RBPJ: variants seen among roughly 807,000 people sequenced by gnomAD.
The protein encoded by RBPJ is recombining binding protein suppressor of hairless.
In RBPJ, 9 loss-of-function variants were observed where a neutral mutation model predicts 67.8. The ratio of observed to expected loss-of-function variants is 0.13; its 90% CI spans 0.08 to 0.23. The LOEUF is 0.23. Among genes scored for constraint, RBPJ ranks in the 10% least tolerant of loss-of-function variants. RBPJ has a pLI of 1.00. For missense variants in RBPJ, 305 were observed against 595.6 expected (o/e 0.51, Z 5.08); for synonymous variants, 198 against 203.3 (o/e 0.97, Z 0.22).
intron 1 of RBPJ, among the ~76,000 whole-genome samples, chr4:26,241,478 C>G (rs2109219004): frequency 6.6e-6 from 1 of 152,026 alleles, no homozygotes; most frequent in Non-Finnish European, 1.5e-5. Context: ...AACTTCTGAC[C>G]TGTCTTCTTT....
chr4:26,423,578 C>T (rs971660108), intron 5 of RBPJ, among the ~76,000 whole-genome samples: 7 of 152,160 alleles, frequency 4.6e-5, no homozygotes, highest in African/African-American at 9.7e-5. Context: ...GGTGTGCTCT[C>T]TTGCACTAGG....
chr4:26,187,214 C>T (rs1375354969), intron 1 of RBPJ, among the ~76,000 whole-genome samples: 3 of 152,086 alleles, frequency 2.0e-5, no homozygotes, highest in South Asian at 2.1e-4. Context: ...AGAGTGAGAC[C>T]CTGTCTCGAA....
chr4:26,202,065 T>G lies in RBPJ; in HGVS notation c.-167+38451T>G, dbSNP rs532597131. ...TTGTCCTTCCCTTTTTCTGGCTGCT[T>G]CTTCTCAGCACTTTGCTGATTCCTC... On this transcript the variant is annotated intron_variant, in intron 1 of 4. Coordinates refer to the RBPJ transcript ENST00000512351. Among the ~76,000 whole-genome samples, 119 of 152,354 alleles carry G rather than the reference T, an allele frequency of 7.8e-4. 1 individual carries two copies. Among genetic ancestry groups the G allele is most frequent in the African/African-American group, 2.7e-3 (112 of 41,590 alleles).
At chr4:26,255,303 C>G (rs1245101932) in intron 1 of RBPJ, among the ~76,000 whole-genome samples, 2 of 125,644 alleles carry the variant, frequency 1.6e-5, no homozygotes, top group Non-Finnish European at 3.1e-5. Context: ...ACTCGGGAGG[C>G]TGAGGCAGGA....
chr4:26,241,210 A>T (rs547607475), intron 1 of RBPJ, among the ~76,000 whole-genome samples: 103 of 151,204 alleles, frequency 6.8e-4, no homozygotes, highest in African/African-American at 1.6e-3. Context: ...AAATAAAAAA[A>T]AAAAAAAAAA....
At chr4:26,416,039 A>G (rs1003244875) in intron 4 of RBPJ, among the ~76,000 whole-genome samples, 3 of 152,166 alleles carry the variant, frequency 2.0e-5, no homozygotes, top group Admixed American at 6.5e-5. Flanking sequence ...ACGATGATAT[A>G]TACATTGTGG....
At chr4:26,397,113 G>T (rs1047792538) in intron 2 of RBPJ, among the ~76,000 whole-genome samples, 2 of 152,134 alleles carry the variant, frequency 1.3e-5, no homozygotes, top group Admixed American at 1.3e-4. Flanking sequence ...TTTGCTTAAG[G>T]TTCTGAGTAG....
chr4:26,386,204 A>G (rs1730897800), intron 1 of RBPJ, 149 bp from the exon 2 acceptor site: 1 of 599,196 alleles, frequency 1.7e-6, no homozygotes, highest in Non-Finnish European at 3.0e-6. Flanking sequence ...TTTGGGATAC[A>G]GATGCTTACC....
intron 1 of RBPJ, among the ~76,000 whole-genome samples, chr4:26,300,684 CTG>C (rs1722045999): frequency 6.6e-6 from 1 of 152,190 alleles, no homozygotes; most frequent in African/African-American, 2.4e-5. Flanking sequence ...CTTTCATTAT[CTG>C]TGTCTCTATA....
chr4:26,139,423 C>T, the RBPJ span, among the ~76,000 whole-genome samples: 3 of 152,322 alleles, frequency 2.0e-5, no homozygotes, highest in East Asian at 5.8e-4. Flanking sequence ...AAGCTCAAGG[C>T]TTCCCCTTTC....
chr4:26,233,510 A>T (rs985804329), intron 1 of RBPJ, among the ~76,000 whole-genome samples: 2 of 152,208 alleles, frequency 1.3e-5, no homozygotes, highest in Admixed American at 1.3e-4. Context: ...TCCACTTCGT[A>T]TGCGTCATGT....
chr4:26,170,767 T>C (rs568378721), intron 1 of RBPJ, among the ~76,000 whole-genome samples: 54 of 152,352 alleles, frequency 3.5e-4, no homozygotes, highest in Admixed American at 8.5e-4. Context: ...TAATGCATAT[T>C]TAAGCAATAG....
chr4:26,396,578 A>G (rs559861354), intron 2 of RBPJ, among the ~76,000 whole-genome samples: 2 of 152,248 alleles, frequency 1.3e-5, no homozygotes, highest in Non-Finnish European at 2.9e-5. Flanking sequence ...TATTTGTACA[A>G]TAACCTTTTA....
At chr4:26,255,328 C>T (rs1397456023) in intron 1 of RBPJ, among the ~76,000 whole-genome samples, 69 of 113,264 alleles carry the variant, frequency 6.1e-4, no homozygotes, top group Non-Finnish European at 1.0e-3. Context: ...GGCGTGAACC[C>T]AGGAGGCGGA....
At chr4:26,221,222 C>CT (rs1718894955) in intron 1 of RBPJ, among the ~76,000 whole-genome samples, 1 of 152,188 alleles carries the variant, frequency 6.6e-6, no homozygotes, top group Admixed American at 6.5e-5. Flanking sequence ...TCCCAAGTAG[C>CT]TGGGACTACA....
intron 1 of RBPJ, among the ~76,000 whole-genome samples, chr4:26,223,634 G>T (rs1718987266): frequency 6.6e-6 from 1 of 152,214 alleles, no homozygotes; most frequent in African/African-American, 2.4e-5. Flanking sequence ...AGCTGGGCTG[G>T]CTGACCAAGG....
chr4:26,120,935 G>A, the RBPJ span, among the ~76,000 whole-genome samples: 1 of 151,164 alleles, frequency 6.6e-6, no homozygotes, highest in Non-Finnish European at 1.5e-5. Flanking sequence ...AATAAGGAAG[G>A]AAGGAAGGAG....
chr4:26,222,137 C>T (rs1456616497), intron 1 of RBPJ, among the ~76,000 whole-genome samples: 2 of 152,318 alleles, frequency 1.3e-5, no homozygotes, highest in East Asian at 3.9e-4. Context: ...GTTGTAAAAT[C>T]TCAGAAATGT....
At chr4:26,145,628 G>A in the RBPJ span, among the ~76,000 whole-genome samples, 109 of 152,308 alleles carry the variant, frequency 7.2e-4, no homozygotes, top group Admixed American at 1.9e-3. Context: ...AAAATGCTGG[G>A]TGGGAAGAAC....
Sources: allele counts gnomAD v4.1 joint callset (sites outside exome capture counted in the v4.1 genomes callset), GRCh38; gene constraint gnomAD v4.1.1; transcripts MANE v1.5; gene names NCBI Gene and HGNC (gene_info 2026-07-23, HGNC 2026-07-21).